The following CTCF variants were observed in gnomAD, a reference collection of about 807,000 sequenced individuals.
The protein encoded by CTCF is transcriptional repressor CTCF.
Under a neutral mutation model 72.3 loss-of-function variants are expected in CTCF, and 7 were observed. The observed-to-expected ratio is 0.10, with a 90% CI of 0.06 to 0.18. CTCF has a LOEUF of 0.18. Ranked by LOEUF, CTCF falls within the 10% of genes least tolerant of loss-of-function variation. CTCF has a pLI of 1.00. For synonymous variants in CTCF, 374 were observed against 315.8 expected, an observed-to-expected ratio of 1.18 and a Z score of -1.95; for missense variants, 516 against 949.1, an observed-to-expected ratio of 0.54 and a Z score of 6.00.
rs533827293 is a variant in CTCF at position 67,604,730 on chromosome 16, G to GTTTTTTT, written c.-9-6086_-9-6080dup. ...GATTACTAAAATTAATTTCACCAGG[G>GTTTTTTT]TTTTTTTTTTTTTTGTTTTTTGTTT... On this transcript the variant is annotated intron_variant, in intron 2 of 11. Transcript: ENST00000264010. Among the ~76,000 whole-genome samples, 152 of 123,506 alleles carry GTTTTTTT rather than the reference G, an allele frequency of 1.2e-3. 2 individuals carry two copies. Among genetic ancestry groups the GTTTTTTT allele is most frequent in the African/African-American group, 1.6e-3 (47 of 29,672 alleles). The allele number at this position is 123,506 out of a possible 152,430, so 81.0% of individuals were successfully genotyped here.
At chr16:67,599,266 G>A (rs1040909686) in intron 2 of CTCF, among the ~76,000 whole-genome samples, 8 of 152,162 alleles carry the variant, frequency 5.3e-5, no homozygotes, top group South Asian at 2.1e-4. Flanking sequence ...CTGGTGGCAC[G>A]CGCTGGTAGT....
At chr16:67,600,184 G>T (rs2051868090) in intron 2 of CTCF, among the ~76,000 whole-genome samples, 1 of 152,106 alleles carries the variant, frequency 6.6e-6, no homozygotes, top group African/African-American at 2.4e-5. Flanking sequence ...AGAGGGCTAA[G>T]GAGGGAGTTG....
intron 4 of CTCF, among the ~76,000 whole-genome samples, chr16:67,613,416 T>G (rs973827541): frequency 2.6e-5 from 4 of 152,240 alleles, no homozygotes; most frequent in Non-Finnish European, 5.9e-5. Flanking sequence ...GACTTACTTT[T>G]AAACATCTCC....
At position 67,631,167 on chromosome 16, in the gene CTCF, T is replaced by TTG. The variant is rs1567617444; in HGVS notation, c.1837+1635_1837+1636insGT. ...TGTTCTTTGTTTGTTTTTTTTTTGT[T>TTG]TTTTGTTTTTTTTTTGAGACAGTGT... On this transcript the variant is annotated intron_variant, in intron 10 of 11. Transcript: ENST00000264010. Among the ~76,000 whole-genome samples, 67 of 138,542 alleles carry TTG rather than the reference T, an allele frequency of 4.8e-4. 1 individual carries two copies. The highest frequency in any genetic ancestry group is 1.8e-3 in the African/African-American group (65 of 36,570). The allele number at this position is 138,542 out of a possible 152,430, so 90.9% of individuals were successfully genotyped here.
chr16:67,604,327 TGTTA>T (rs749558902), intron 2 of CTCF, among the ~76,000 whole-genome samples: 5 of 152,010 alleles, frequency 3.3e-5, no homozygotes, highest in Non-Finnish European at 7.4e-5. Context: ...CAATTTTTTT[TGTTA>T]GTTTTGTTTT....
chr16:67,602,509 T>C (rs796507703), intron 2 of CTCF, among the ~76,000 whole-genome samples: 10 of 152,284 alleles, frequency 6.6e-5, no homozygotes, highest in African/African-American at 2.4e-4. Flanking sequence ...ATACTAACTT[T>C]TGGGGCTTTT....
At chr16:67,590,279 G>A (rs144636108) in intron 2 of CTCF, among the ~76,000 whole-genome samples, 1 of 151,868 alleles carries the variant, frequency 6.6e-6, no homozygotes, top group African/African-American at 2.4e-5. Context: ...TTATTAGTAC[G>A]TATTTCCTAG....
chr16:67,603,843 T>C (rs1485900367), intron 2 of CTCF, among the ~76,000 whole-genome samples: 1 of 141,964 alleles, frequency 7.0e-6, no homozygotes, highest in East Asian at 2.1e-4. Context: ...AAAAAAAAAT[T>C]AGAGGCCAGG....
intron 2 of CTCF, among the ~76,000 whole-genome samples, chr16:67,581,486 C>CTTATT (rs1167816538): frequency 1.3e-5 from 2 of 151,910 alleles, no homozygotes; most frequent in Non-Finnish European, 2.9e-5. Flanking sequence ...CTAGGCCTGG[C>CTTATT]TTATTTTATT....
At chr16:67,572,598 T>C (rs2051437466) in intron 2 of CTCF, 1 of 152,142 alleles carries the variant, frequency 6.6e-6, no homozygotes, top group African/African-American at 2.4e-5. Context: ...GTAATTTAAC[T>C]GGTCAGTGAT....
intron 1 of CTCF, among the ~76,000 whole-genome samples, chr16:67,570,257 AT>A (rs2051398452): frequency 6.7e-6 from 1 of 149,484 alleles, no homozygotes; most frequent in African/African-American, 2.5e-5. Context: ...TTTTCTTTGT[AT>A]TTTTAGTAGA....
chr16:67,621,916 G>T (rs2052204605), intron 7 of CTCF, among the ~76,000 whole-genome samples: 2 of 152,110 alleles, frequency 1.3e-5, no homozygotes, highest in Non-Finnish European at 2.9e-5. Flanking sequence ...GTAACATAGT[G>T]TGATTCAAAC....
In CTCF at chr16:67,610,997, C is replaced by T. The variant is rs149456343; in HGVS notation, c.165C>T (p.Asn55=). The change falls in exon 3 of 12, where the codon AAC becomes AAT. Residue 55 remains asparagine, a synonymous_variant. Coordinates refer to ENST00000264010, the MANE Select transcript of CTCF (RefSeq NM_006565.4). ...TDGGEVVQDV[N]SSVQMVMMEQ... ...GGGGTGAGGTGGTCCAGGATGTCAACAGCAGTGTACAGATGGTGATGATGG... is the reference window on the plus strand; with the variant it reads ...GGGGTGAGGTGGTCCAGGATGTCAATAGCAGTGTACAGATGGTGATGATGG... The T allele has an allele frequency of 4.9e-5, 78 of 1,608,126 alleles. 1 individual carries two copies. The highest frequency in any genetic ancestry group is 4.6e-4 in the South Asian group (42 of 90,974).
At chr16:67,610,286 T>G (rs952953097) in intron 2 of CTCF, among the ~76,000 whole-genome samples, 1 of 152,094 alleles carries the variant, frequency 6.6e-6, no homozygotes, top group African/African-American at 2.4e-5. Flanking sequence ...AGAGACTTGA[T>G]TGGTTTCAGA....
At chr16:67,584,337 C>CTTTTTTTTTTTTT (rs904086024) in intron 2 of CTCF, among the ~76,000 whole-genome samples, 2 of 105,860 alleles carry the variant, frequency 1.9e-5, no homozygotes, top group African/African-American at 8.5e-5. Context: ...AAAAAGTCTT[C>CTTTTTTTTTTTTT]TTTTTTTTTT....
chr16:67,586,136 C>T (rs1193751538), intron 2 of CTCF, among the ~76,000 whole-genome samples: 1 of 152,160 alleles, frequency 6.6e-6, no homozygotes, highest in Non-Finnish European at 1.5e-5. Flanking sequence ...TGCAGTGGCT[C>T]ACGCCTATAA....
chr16:67,621,661 A>T (rs1007241000), intron 7 of CTCF, 70 bp downstream of exon 7: 1 of 1,169,382 alleles, frequency 8.6e-7, no homozygotes, highest in Non-Finnish European at 1.2e-6. Context: ...TATGGGGATC[A>T]AAAATAACTT....
chr16:67,583,561 C>T (rs137951628), intron 2 of CTCF, among the ~76,000 whole-genome samples: 55 of 152,046 alleles, frequency 3.6e-4, no homozygotes, highest in Non-Finnish European at 4.1e-4. Flanking sequence ...GTGGGGCATG[C>T]CTATAATCTC....
At chr16:67,587,100 A>ATTTTT (rs754060008) in intron 2 of CTCF, among the ~76,000 whole-genome samples, 8 of 98,738 alleles carry the variant, frequency 8.1e-5, no homozygotes, top group African/African-American at 1.1e-4. Flanking sequence ...CTTCTTAAAC[A>ATTTTT]TTTTTTTTTT....
Sources: allele counts gnomAD v4.1 joint callset (sites outside exome capture counted in the v4.1 genomes callset), GRCh38; gene constraint gnomAD v4.1.1; transcripts MANE v1.5; gene names NCBI Gene and HGNC (gene_info 2026-07-23, HGNC 2026-07-21).